The following SLC35F3 variants were observed in gnomAD, a reference collection of about 807,000 sequenced individuals.
SLC35F3 encodes solute carrier family 35 member F3.
In SLC35F3, 25 loss-of-function variants were observed where a neutral mutation model predicts 49.9. That is an observed-to-expected ratio of 0.50 (90% CI 0.37 to 0.70). The LOEUF is 0.70. Among genes scored for constraint, SLC35F3 ranks in the 30% least tolerant of loss-of-function variants. The probability of loss-of-function intolerance (pLI) is 0.00; values close to 1 mark genes in which losing one functional copy is unlikely to be tolerated. For synonymous variants in SLC35F3, 275 were observed against 265.4 expected, an observed-to-expected ratio of 1.04 and a Z score of -0.35; for missense variants, 525 against 639.8, an observed-to-expected ratio of 0.82 and a Z score of 1.94.
intron 2 of SLC35F3, among the ~76,000 whole-genome samples, chr1:234,006,470 CG>C (rs148031577): frequency 0.055 from 8,387 of 152,086 alleles, 698 homozygotes; most frequent in African/African-American, 0.18. Context: ...CCCCTTTTAA[CG>C]GGGAAAAAAA....
At chr1:234,197,315 G>C (rs773257203) in intron 2 of SLC35F3, among the ~76,000 whole-genome samples, 19 of 152,160 alleles carry the variant, frequency 1.2e-4, no homozygotes, top group Admixed American at 2.0e-4. Flanking sequence ...GCACTTCAAG[G>C]GGGAGGGGAA....
At chr1:233,973,524 T>A (rs1014904422) in intron 2 of SLC35F3, among the ~76,000 whole-genome samples, 1 of 152,234 alleles carries the variant, frequency 6.6e-6, no homozygotes, top group African/African-American at 2.4e-5. Flanking sequence ...CTTCCCAGGT[T>A]CTTGGGAGGA....
chr1:233,981,267 C>T (rs908988969), intron 2 of SLC35F3, among the ~76,000 whole-genome samples: 19 of 152,220 alleles, frequency 1.2e-4, no homozygotes, highest in African/African-American at 4.6e-4. Context: ...ACGGATCCTT[C>T]ACCACAAAGA....
intron 2 of SLC35F3, among the ~76,000 whole-genome samples, chr1:234,054,184 G>T (rs1187925499): frequency 6.6e-6 from 1 of 152,150 alleles, no homozygotes; most frequent in Non-Finnish European, 1.5e-5. Flanking sequence ...TTGAATGTTG[G>T]CCTGCCTTGC....
intron 3 of SLC35F3, among the ~76,000 whole-genome samples, chr1:234,246,567 G>T (rs1328812184): frequency 6.6e-6 from 1 of 152,172 alleles, no homozygotes; most frequent in African/African-American, 2.4e-5. Flanking sequence ...GAATCTTCTG[G>T]ATTCCTTTTT....
At chr1:234,128,195 G>A (rs1392192271) in intron 2 of SLC35F3, among the ~76,000 whole-genome samples, 1 of 152,198 alleles carries the variant, frequency 6.6e-6, no homozygotes, top group Non-Finnish European at 1.5e-5. Flanking sequence ...GGAAGGAAGC[G>A]AGAAGGTCCA....
chr1:234,081,904 ATTT>A lies in SLC35F3; in HGVS notation c.284-149483_284-149481del, dbSNP rs781469880. On this transcript the variant is annotated intron_variant, in intron 2 of 7. Coordinates refer to ENST00000366618, the MANE Select transcript of SLC35F3 (RefSeq NM_173508.4). ...AGGCGCCTGCCACCATGCCTGGCTA[ATTT>A]TTTTTTTTTTTTTTTTTTTTTTTTT... 2.7e-3 allele frequency among the ~76,000 whole-genome samples: 104 copies of A among 39,220 alleles called. 1 individual carries two copies. The highest frequency in any genetic ancestry group is 0.01 in the South Asian group (7 of 694). 25.7% of individuals were successfully genotyped at this position (39,220 alleles called of 152,430 possible). A position where few individuals can be genotyped will look rare whatever the true frequency, so the allele number is the denominator to read the frequency against.
intron 2 of SLC35F3, among the ~76,000 whole-genome samples, chr1:234,000,597 A>G (rs908059688): frequency 6.6e-6 from 1 of 152,226 alleles, no homozygotes; most frequent in Non-Finnish European, 1.5e-5. Flanking sequence ...GGATTAGACT[A>G]CAAAAGCAAT....
chr1:234,267,914 G>GATGGGATGGCTGCCGGGCAGAGACA (rs1558091867), intron 3 of SLC35F3, among the ~76,000 whole-genome samples: 2 of 109,060 alleles, frequency 1.8e-5, no homozygotes, highest in Non-Finnish European at 3.9e-5. Flanking sequence ...GGGCAGAGAC[G>GATGGGATGGCTGCCGGGCAGAGACA]CTCCTCACTT....
chr1:234,225,405 A>G (rs535142185), intron 2 of SLC35F3, among the ~76,000 whole-genome samples: 2 of 152,338 alleles, frequency 1.3e-5, no homozygotes, highest in East Asian at 3.9e-4. Flanking sequence ...TCAGTAATCA[A>G]TAAATGGGAA....
At chr1:233,966,651 A>G (rs1426989493) in intron 2 of SLC35F3, among the ~76,000 whole-genome samples, 2 of 152,274 alleles carry the variant, frequency 1.3e-5, no homozygotes, top group African/African-American at 4.8e-5. Flanking sequence ...TAATAACATT[A>G]GGAAAGCAAC....
intron 2 of SLC35F3, among the ~76,000 whole-genome samples, chr1:233,927,165 G>A (rs4489631): frequency 0.029 from 4,429 of 152,252 alleles, 195 homozygotes; most frequent in African/African-American, 0.1. Context: ...ACCACTGGAA[G>A]ACATCATGAT....
chr1:233,953,837 G>C (rs1323811797), intron 2 of SLC35F3, among the ~76,000 whole-genome samples: 2 of 152,134 alleles, frequency 1.3e-5, no homozygotes, highest in African/African-American at 4.8e-5. Flanking sequence ...AGTACTGGAA[G>C]GTGCAGCATC....
At chr1:233,985,204 G>A (rs1048829984) in intron 2 of SLC35F3, among the ~76,000 whole-genome samples, 13 of 152,186 alleles carry the variant, frequency 8.5e-5, no homozygotes, top group Non-Finnish European at 1.6e-4. Context: ...AGTGGCATAT[G>A]TCGTCATATC....
intron 2 of SLC35F3, among the ~76,000 whole-genome samples, chr1:233,998,652 G>A (rs935975332): frequency 2.6e-5 from 4 of 151,884 alleles, no homozygotes; most frequent in Non-Finnish European, 4.4e-5. Context: ...GTAGACACTA[G>A]TCACATGGGA....
intron 3 of SLC35F3, among the ~76,000 whole-genome samples, chr1:234,244,069 C>A (rs1347121472): frequency 1.3e-5 from 2 of 152,134 alleles, no homozygotes; most frequent in Admixed American, 6.5e-5. Context: ...AGCCTCTGAA[C>A]AGAAGAGTTT....
intron 2 of SLC35F3, among the ~76,000 whole-genome samples, chr1:234,124,692 C>CCCCA (rs1315834741): frequency 6.6e-6 from 1 of 152,112 alleles, no homozygotes; most frequent in East Asian, 1.9e-4. Flanking sequence ...CATAGCAAGA[C>CCCCA]CCCATCTCTA....
chr1:234,108,303 AT>A (rs1299326518), intron 2 of SLC35F3, among the ~76,000 whole-genome samples: 2 of 124,316 alleles, frequency 1.6e-5, no homozygotes, highest in Non-Finnish European at 3.2e-5. Flanking sequence ...AAAGATATAT[AT>A]TTATATATAT....
At chr1:233,986,327 G>A (rs1238152171) in intron 2 of SLC35F3, among the ~76,000 whole-genome samples, 1 of 152,108 alleles carries the variant, frequency 6.6e-6, no homozygotes, top group Non-Finnish European at 1.5e-5. Context: ...CCACTTATGT[G>A]AGGCTGCCAC....
Sources: allele counts gnomAD v4.1 joint callset (sites outside exome capture counted in the v4.1 genomes callset), GRCh38; gene constraint gnomAD v4.1.1; transcripts MANE v1.5; gene names NCBI Gene and HGNC (gene_info 2026-07-23, HGNC 2026-07-21).